The following RPS6KA5 variants were observed in gnomAD, a reference collection of about 807,000 sequenced individuals.
RPS6KA5 encodes the protein ribosomal protein S6 kinase alpha-5.
In RPS6KA5, 27 loss-of-function variants were observed where a neutral mutation model predicts 85.5. The ratio of observed to expected loss-of-function variants is 0.32; its 90% CI spans 0.23 to 0.44. The LOEUF (loss-of-function observed/expected upper bound fraction) is 0.44. Ranked by LOEUF, RPS6KA5 falls within the 20% of genes least tolerant of loss-of-function variation. RPS6KA5 has a pLI of 1.00. For synonymous variants in RPS6KA5, 334 were observed against 348.2 expected (o/e 0.96, Z 0.46); for missense variants, 811 against 980.9 (o/e 0.83, Z 2.31).
Position 90,885,767 on chromosome 14 carries a change from A to AAAAAAAG in RPS6KA5, c.1836+4713_1836+4719dup, listed in dbSNP as rs1247608590. Reference sequence around the variant, plus strand: ...AAAAAAAAAAAAAAAAAAAAAAAAAAAAAAAAGAAAAAAGAAAAAAGAAAC... The same window carrying AAAAAAAG: ...AAAAAAAAAAAAAAAAAAAAAAAAAAAAAAAAGAAAAAAGAAAAAAGAAAAAAGAAAC... On this transcript the variant is annotated intron_variant, in intron 14 of 16. Transcript: ENST00000614987. Among the ~76,000 whole-genome samples the AAAAAAAG allele has an allele frequency of 2.8e-3, 395 of 139,808 alleles. 6 individuals are homozygous for AAAAAAAG. Among genetic ancestry groups the AAAAAAAG allele is most frequent in the African/African-American group, 0.01 (380 of 36,654 alleles). 91.7% of individuals were successfully genotyped at this position (139,808 alleles called of 152,430 possible). A position where few individuals can be genotyped will look rare whatever the true frequency, so the allele number is the denominator to read the frequency against.
intron 1 of RPS6KA5, among the ~76,000 whole-genome samples, chr14:91,025,039 C>T (rs1025178128): frequency 2.0e-5 from 3 of 151,752 alleles, no homozygotes; most frequent in African/African-American, 7.3e-5. Flanking sequence ...CATCACCATG[C>T]CAGTCTAACT....
At chr14:90,888,791 A>G (rs1011833117) in intron 14 of RPS6KA5, among the ~76,000 whole-genome samples, 3 of 152,230 alleles carry the variant, frequency 2.0e-5, no homozygotes, top group African/African-American at 4.8e-5. Context: ...ATATCTTACT[A>G]CATAGACATT....
At chr14:91,034,124 C>T (rs1021650599) in intron 1 of RPS6KA5, among the ~76,000 whole-genome samples, 7 of 151,912 alleles carry the variant, frequency 4.6e-5, no homozygotes, top group African/African-American at 1.2e-4. Context: ...CTGGGCAACA[C>T]AGCAAAACCC....
intron 2 of RPS6KA5, among the ~76,000 whole-genome samples, chr14:90,979,581 G>A (rs1413201415): frequency 6.6e-6 from 1 of 152,226 alleles, no homozygotes; most frequent in African/African-American, 2.4e-5. Flanking sequence ...AGCTTTAAGG[G>A]AAGGGCTCTT....
rs58737573 is a variant in RPS6KA5, at chr14:91,030,611, G to GAAAAAAAAAAAAAA, written c.104-29466_104-29453dup. Among the ~76,000 whole-genome samples, 16 of 22,072 alleles carry GAAAAAAAAAAAAAA rather than the reference G, an allele frequency of 7.2e-4. 2 individuals are homozygous for GAAAAAAAAAAAAAA. Among genetic ancestry groups the GAAAAAAAAAAAAAA allele is most frequent in the South Asian group, 2.5e-3 (1 of 402 alleles). 14.5% of individuals were successfully genotyped at this position (22,072 alleles called of 152,430 possible). A position where few individuals can be genotyped will look rare whatever the true frequency, so the allele number is the denominator to read the frequency against. ...AACATGCAAGACACCAAAATAAACA[G>GAAAAAAAAAAAAAA]AAAAAAAAAAAAAAAAAAAAAAAAA... is the stretch of plus-strand genomic sequence containing the variant. On this transcript the variant is annotated intron_variant, in intron 1 of 16. Coordinates refer to ENST00000614987, the MANE Select transcript of RPS6KA5 (RefSeq NM_004755.4).
At chr14:90,883,829 T>C (rs748082870) in intron 14 of RPS6KA5, among the ~76,000 whole-genome samples, 1 of 152,252 alleles carries the variant, frequency 6.6e-6, no homozygotes, top group Admixed American at 6.5e-5. Context: ...TTGATTGTTA[T>C]AGGCTGTCTC....
intron 3 of RPS6KA5, among the ~76,000 whole-genome samples, chr14:90,958,007 A>G (rs1378742583): frequency 3.3e-5 from 5 of 152,096 alleles, no homozygotes; most frequent in Non-Finnish European, 2.9e-5. Context: ...AAATAAAAAT[A>G]GCCAGGCATG....
At position 90,852,759 on chromosome 14, in the gene RPS6KA5, T is replaced by G. The variant is rs551224646; in HGVS notation, c.*19315A>C. ...TTTTTTTTTTTTTTGAGACAGAGTC[T>G]TGCTCTGTCGCCCAGGCTGGAGTGC... On this transcript the variant is annotated 3_prime_UTR_variant, in exon 17 of 17. Coordinates refer to ENST00000614987, the MANE Select transcript of RPS6KA5 (RefSeq NM_004755.4). The G allele has an allele frequency of 1.4e-5, 2 of 140,710 alleles. No homozygotes were observed. Among genetic ancestry groups the G allele is most frequent in the East Asian group, 4.2e-4 (2 of 4,722 alleles). The allele number at this position is 140,710 out of a possible 1,614,324, so 8.7% of individuals were successfully genotyped here.
intron 2 of RPS6KA5, among the ~76,000 whole-genome samples, chr14:90,981,681 T>C (rs1377685644): frequency 2.6e-5 from 4 of 152,248 alleles, no homozygotes; most frequent in African/African-American, 4.8e-5. Flanking sequence ...GGAAAAACTA[T>C]AATGAAGCTC....
intron 1 of RPS6KA5, among the ~76,000 whole-genome samples, chr14:91,051,258 A>G (rs2043067600): frequency 6.7e-6 from 1 of 149,922 alleles, no homozygotes. Flanking sequence ...AAATAAATAA[A>G]TAAATAAATA....
intron 3 of RPS6KA5, among the ~76,000 whole-genome samples, chr14:90,974,085 T>A (rs912945159): frequency 6.8e-6 from 1 of 147,154 alleles, no homozygotes; most frequent in Non-Finnish European, 1.5e-5. Context: ...ACACAGAATA[T>A]TTTCACTTCT....
intron 3 of RPS6KA5, among the ~76,000 whole-genome samples, chr14:90,955,732 A>T (rs1480524883): frequency 6.6e-6 from 1 of 152,174 alleles, no homozygotes; most frequent in East Asian, 1.9e-4. Flanking sequence ...AGTTCTATAG[A>T]TGTCTATTAT....
intron 5 of RPS6KA5, among the ~76,000 whole-genome samples, chr14:90,928,850 C>CA (rs1049178686): frequency 6.6e-6 from 1 of 151,734 alleles, no homozygotes; most frequent in Non-Finnish European, 1.5e-5. Context: ...AAATCCATTT[C>CA]ATGGTGCTAG....
chr14:91,012,436 C>G (rs1235992569), intron 1 of RPS6KA5, among the ~76,000 whole-genome samples: 1 of 152,214 alleles, frequency 6.6e-6, no homozygotes, highest in Non-Finnish European at 1.5e-5. Context: ...ATCTTCCGAA[C>G]ACTAGCTACT....
In RPS6KA5 at chr14:91,001,178, A is replaced by G; in HGVS notation, c.104-19T>C. 2 of 1,447,756 alleles carry G rather than the reference A, an allele frequency of 1.4e-6. No individual in the cohort carries two copies. The highest frequency in any genetic ancestry group is 2.0e-5 in the Admixed American group (1 of 49,718). 89.7% of individuals were successfully genotyped at this position (1,447,756 alleles called of 1,614,324 possible). A position where few individuals can be genotyped will look rare whatever the true frequency, so the allele number is the denominator to read the frequency against. ...AAATTAGCTAAAAGAAAAAAAGAGG[A>G]AAAAAAAAACAAGAGGGTCAGCAAT... On this transcript the variant is annotated intron_variant, in intron 1 of 16. Transcript: ENST00000614987.
intron 6 of RPS6KA5, 40 bp from the exon 7 acceptor site, chr14:90,920,349 CTAAAA>C: frequency 7.6e-7 from 1 of 1,311,198 alleles, no homozygotes; most frequent in Non-Finnish European, 1.1e-6. Context: ...GAATTATCAA[CTAAAA>C]TATTTTATAA....
At chr14:90,989,476 C>A (rs1373394105) in intron 2 of RPS6KA5, among the ~76,000 whole-genome samples, 2 of 152,170 alleles carry the variant, frequency 1.3e-5, no homozygotes, top group Non-Finnish European at 2.9e-5. Flanking sequence ...CTTCAAAGTA[C>A]ATGACCATTT....
chr14:90,926,341 AG>A (rs954661385), intron 5 of RPS6KA5, among the ~76,000 whole-genome samples: 8 of 151,518 alleles, frequency 5.3e-5, no homozygotes, highest in African/African-American at 1.9e-4. Context: ...CAGTGAGCAG[AG>A]ATCGCACCAT....
intron 6 of RPS6KA5, among the ~76,000 whole-genome samples, chr14:90,920,867 A>C (rs960346806): frequency 4.6e-5 from 7 of 151,978 alleles, no homozygotes; most frequent in Non-Finnish European, 1.0e-4. Context: ...TGAACTGAGA[A>C]CATAGAAAAT....
Sources: gnomAD v4.1 joint callset for allele counts (sites outside exome capture counted in the v4.1 genomes callset) on GRCh38, gnomAD v4.1.1 for gene constraint, MANE v1.5 for transcripts, NCBI Gene and HGNC (gene_info 2026-07-23, HGNC 2026-07-21) for gene names.